Variants in NAA35 observed in about 807,000 individuals in gnomAD.
NAA35 encodes the protein MAK10 homolog, amino-acid N-acetyltransferase subunit.
NAA35 carries 18 observed loss-of-function variants against 101.7 expected under a neutral mutation model. The observed-to-expected ratio is 0.18, with a 90% CI of 0.12 to 0.26. The LOEUF (loss-of-function observed/expected upper bound fraction) is 0.26, where lower values mean the gene tolerates loss of function less well. Among genes scored for constraint, NAA35 ranks in the 10% least tolerant of loss-of-function variants. The pLI is 1.00. For missense variants in NAA35, 601 were observed against 886.8 expected, an observed-to-expected ratio of 0.68 and a Z score of 4.09; for synonymous variants, 267 against 273.1, an observed-to-expected ratio of 0.98 and a Z score of 0.22.
intron 2 of NAA35, among the ~76,000 whole-genome samples, chr9:85,948,700 A>G (rs1828872667): frequency 1.3e-5 from 2 of 152,178 alleles, no homozygotes; most frequent in Admixed American, 1.3e-4. Context: ...ATCTTTTGCT[A>G]TTAAGAAATC....
chr9:86,014,313 A>C, intron 17 of NAA35: 1 of 895,388 alleles, frequency 1.1e-6, no homozygotes, highest in Non-Finnish European at 1.3e-6. Context: ...ACTGTTTCAA[A>C]CCGTGGTGCT....
chr9:86,018,417 G>C (rs764884542), intron 20 of NAA35, 22 bp downstream of exon 20: 3 of 1,598,244 alleles, frequency 1.9e-6, no homozygotes, highest in East Asian at 2.2e-5. Flanking sequence ...CAATGAACTT[G>C]TTATGAAATC....
chr9:85,953,609 G>A (rs750699595), intron 2 of NAA35, among the ~76,000 whole-genome samples: 105 of 151,110 alleles, frequency 6.9e-4, no homozygotes, highest in Non-Finnish European at 7.7e-4. Context: ...TATTTTTTTT[G>A]GTAGAGATGG....
intron 11 of NAA35, among the ~76,000 whole-genome samples, chr9:85,979,542 T>C (rs2118078945): frequency 6.6e-6 from 1 of 152,354 alleles, no homozygotes; most frequent in South Asian, 2.1e-4. Flanking sequence ...TATTTAATAA[T>C]GTTAGCACAG....
rs1170292697 is a variant in NAA35 at position 86,022,846 on chromosome 9, T to G, written c.*886T>G. Reference sequence around the variant, plus strand: ...GCTTGTCCTGTGTCTGCTCTGATGTTTGCGGTGGCAGCTTTCTAGGCCTCT... The same window carrying G: ...GCTTGTCCTGTGTCTGCTCTGATGTGTGCGGTGGCAGCTTTCTAGGCCTCT... On this transcript the variant is annotated 3_prime_UTR_variant, in exon 23 of 23. Transcript: ENST00000361671. Among the ~76,000 whole-genome samples the G allele has an allele frequency of 6.6e-6, 1 of 152,150 alleles. No homozygotes were observed. Among genetic ancestry groups the G allele is most frequent in the Non-Finnish European group, 1.5e-5 (1 of 68,008 alleles).
chr9:86,002,204 G>T lies in NAA35; in HGVS notation c.1057-1381G>T, dbSNP rs1018319971. ...GAATATAGGACCCCAATTTCTTCTT[G>T]TAGGGTTTCAGCTGAGAGGTCTCCT... is the stretch of plus-strand genomic sequence containing the variant. On this transcript the variant is annotated intron_variant, in intron 12 of 22. Coordinates refer to ENST00000361671, the MANE Select transcript of NAA35 (RefSeq NM_024635.4). Among the ~76,000 whole-genome samples, 81 of 149,382 alleles carry T rather than the reference G, an allele frequency of 5.4e-4. 1 individual carries two copies. The highest frequency in any genetic ancestry group is 1.9e-4 in the Non-Finnish European group (13 of 67,778).
At chr9:85,982,943 G>A (rs1222130157) in intron 11 of NAA35, among the ~76,000 whole-genome samples, 12 of 152,314 alleles carry the variant, frequency 7.9e-5, no homozygotes, top group South Asian at 2.1e-4. Flanking sequence ...AGGCAGCCCA[G>A]TTTATACAGT....
At chr9:85,993,934 C>G (rs544954350) in intron 11 of NAA35, among the ~76,000 whole-genome samples, 1 of 151,944 alleles carries the variant, frequency 6.6e-6, no homozygotes, top group Admixed American at 6.6e-5. Flanking sequence ...TCAGCCTCCC[C>G]AGTAGCCAGG....
intron 2 of NAA35, among the ~76,000 whole-genome samples, chr9:85,943,060 C>T (rs1399826390): frequency 2.0e-5 from 3 of 152,148 alleles, no homozygotes; most frequent in East Asian, 1.9e-4. Context: ...ATATAAGCTC[C>T]GTGGGGGCAG....
At chr9:86,015,827 A>T (rs1832182414) in intron 17 of NAA35, 1 of 968,772 alleles carries the variant, frequency 1.0e-6, no homozygotes, top group Non-Finnish European at 1.2e-6. Flanking sequence ...GCCTATAGAA[A>T]TCCTTCACTT....
intron 6 of NAA35, among the ~76,000 whole-genome samples, chr9:85,969,674 C>T (rs984213619): frequency 1.3e-5 from 2 of 152,006 alleles, no homozygotes; most frequent in Non-Finnish European, 2.9e-5. Context: ...ACAGCCTGGA[C>T]AACACAGCAA....
intron 14 of NAA35, among the ~76,000 whole-genome samples, chr9:86,008,351 T>G (rs1273550552): frequency 1.3e-5 from 2 of 152,208 alleles, no homozygotes; most frequent in African/African-American, 4.8e-5. Flanking sequence ...CTTGAGCCAC[T>G]GCACCGGCCT....
intron 6 of NAA35, among the ~76,000 whole-genome samples, chr9:85,966,193 A>G (rs994477017): frequency 2.6e-5 from 4 of 152,146 alleles, no homozygotes; most frequent in Non-Finnish European, 4.4e-5. Context: ...TTCCCACCCC[A>G]GCCTCCCAAA....
chr9:86,002,291 A>C (rs144423566), intron 12 of NAA35, among the ~76,000 whole-genome samples: 1 of 152,056 alleles, frequency 6.6e-6, no homozygotes, highest in East Asian at 1.9e-4. Flanking sequence ...TGCCTTTAAC[A>C]TTTGTTTCAT....
intron 11 of NAA35, among the ~76,000 whole-genome samples, chr9:85,991,119 G>C (rs1210587809): frequency 6.6e-6 from 1 of 152,062 alleles, no homozygotes; most frequent in Non-Finnish European, 1.5e-5. Context: ...GAACAACCTG[G>C]CACTGTATGT....
intron 6 of NAA35, among the ~76,000 whole-genome samples, chr9:85,974,674 C>T (rs866021987): frequency 5.3e-5 from 8 of 152,052 alleles, no homozygotes; most frequent in Admixed American, 2.6e-4. Flanking sequence ...TATTACTGTG[C>T]GATATTTTCT....
At chr9:86,016,776 C>T in intron 18 of NAA35, 101 bp downstream of exon 18, 1 of 1,190,804 alleles carries the variant, frequency 8.4e-7, no homozygotes, top group South Asian at 1.5e-5. Flanking sequence ...TATTTTAGTT[C>T]TTGTTCCTCT....
intron 11 of NAA35, chr9:85,986,491 A>T: frequency 2.1e-6 from 1 of 469,006 alleles, no homozygotes; most frequent in Non-Finnish European, 4.4e-6. Flanking sequence ...CATCTTCTAG[A>T]GATGGAGGTG....
intron 12 of NAA35, among the ~76,000 whole-genome samples, chr9:85,997,907 A>G (rs921856970): frequency 4.0e-5 from 6 of 151,740 alleles, no homozygotes; most frequent in South Asian, 2.1e-4. Context: ...GTGTGTGTGT[A>G]TATATTTTTT....
Sources: gnomAD v4.1 joint callset for allele counts (sites outside exome capture counted in the v4.1 genomes callset) on GRCh38, gnomAD v4.1.1 for gene constraint, MANE v1.5 for transcripts, NCBI Gene and HGNC (gene_info 2026-07-23, HGNC 2026-07-21) for gene names.